The following DLC1 variants were observed in gnomAD, a reference collection of about 807,000 sequenced individuals.
The protein encoded by DLC1 is DLC1 Rho GTPase activating protein.
Under a neutral mutation model 140.3 loss-of-function variants are expected in DLC1, and 54 were observed. The observed-to-expected ratio is 0.38, with a 90% CI of 0.31 to 0.48. DLC1 has a LOEUF of 0.48. DLC1 is among the 20% of genes least tolerant of loss of function. The pLI, the probability that DLC1 is intolerant of heterozygous loss-of-function variation, is 0.96. For missense variants in DLC1, 2,536 were observed against 1,907.0 expected (o/e 1.33, Z -6.14); for synonymous variants, 986 against 728.1 (o/e 1.35, Z -5.70).
chr8:13,451,302 A>G (rs901178629), intron 2 of DLC1, among the ~76,000 whole-genome samples: 2 of 152,040 alleles, frequency 1.3e-5, no homozygotes, highest in African/African-American at 4.8e-5. Flanking sequence ...CAGGCATGCA[A>G]TGCTTCTTAA....
At position 13,486,205 on chromosome 8, in the gene DLC1, T is replaced by G. The variant is rs1585188531; in HGVS notation, c.1023+12844A>C. Among the ~76,000 whole-genome samples the G allele has an allele frequency of 4.6e-5, 7 of 152,246 alleles. No individual in the cohort carries two copies. In the East Asian group the frequency reaches 1.4e-3, roughly 29 times the overall value. ...AATTCATGCCTTAGGAAAAAGCAAATTTTTATTGCAAAACTAGAAACCAGG... is the reference window on the plus strand; with the variant it reads ...AATTCATGCCTTAGGAAAAAGCAAAGTTTTATTGCAAAACTAGAAACCAGG... On this transcript the variant is annotated intron_variant, in intron 2 of 17. Transcript: ENST00000276297.
intron 5 of DLC1, among the ~76,000 whole-genome samples, chr8:13,145,559 A>C (rs902571723): frequency 6.6e-6 from 1 of 152,194 alleles, no homozygotes; most frequent in Non-Finnish European, 1.5e-5. Flanking sequence ...CTTTAGAGAA[A>C]CTCCAAACAA....
chr8:13,418,690 G>A (rs189912018), intron 2 of DLC1, among the ~76,000 whole-genome samples: 12 of 152,020 alleles, frequency 7.9e-5, no homozygotes, highest in African/African-American at 1.5e-4. Flanking sequence ...TTGACTTGGC[G>A]ATGCGGGCTC....
intron 8 of DLC1, among the ~76,000 whole-genome samples, chr8:13,101,161 TG>T (rs1451045862): frequency 2.0e-5 from 3 of 152,228 alleles, no homozygotes; most frequent in African/African-American, 7.2e-5. Context: ...TCCTCCCACG[TG>T]GGCTTCCCAA....
At chr8:13,199,183 T>C (rs984262579) in intron 5 of DLC1, among the ~76,000 whole-genome samples, 92 of 46,004 alleles carry the variant, frequency 2.0e-3, no homozygotes, top group Non-Finnish European at 3.6e-3. Context: ...TTTTCTTTTT[T>C]TTTTTTTTTT....
At chr8:13,377,196 G>C (rs542562006) in intron 4 of DLC1, among the ~76,000 whole-genome samples, 3 of 152,172 alleles carry the variant, frequency 2.0e-5, no homozygotes, top group Admixed American at 6.5e-5. Flanking sequence ...TTTGAATTTA[G>C]TGGTTAGCAT....
chr8:13,441,836 C>T (rs915336515), intron 2 of DLC1, among the ~76,000 whole-genome samples: 8 of 152,178 alleles, frequency 5.3e-5, no homozygotes, highest in Non-Finnish European at 1.2e-4. Flanking sequence ...CAATAACTTT[C>T]TTCACAGAAT....
chr8:13,442,052 T>C (rs1423724837), intron 2 of DLC1, among the ~76,000 whole-genome samples: 1 of 152,132 alleles, frequency 6.6e-6, no homozygotes, highest in African/African-American at 2.4e-5. Flanking sequence ...TAATGCTGCA[T>C]ATCTACAACT....
chr8:13,185,209 G>T (rs546473010), intron 5 of DLC1, among the ~76,000 whole-genome samples: 1 of 146,736 alleles, frequency 6.8e-6, no homozygotes, highest in Non-Finnish European at 1.5e-5. Context: ...CTTTGCATGC[G>T]AGATGGGTCT....
intron 2 of DLC1, 28 bp from the exon 3 acceptor site, chr8:13,401,647 A>G (rs1187780691): frequency 6.3e-7 from 1 of 1,597,792 alleles, no homozygotes; most frequent in Non-Finnish European, 8.5e-7. Context: ...TTGTTACTGA[A>G]TCTGAAAGGC....
intron 1 of DLC1, among the ~76,000 whole-genome samples, chr8:13,596,330 C>T (rs1183679194): frequency 6.6e-6 from 1 of 151,912 alleles, no homozygotes; most frequent in African/African-American, 2.4e-5. Flanking sequence ...GGAAAAGTAG[C>T]TTTTCTTGGC....
At chr8:13,543,622 T>C (rs1261990415) in intron 1 of DLC1, among the ~76,000 whole-genome samples, 1 of 152,092 alleles carries the variant, frequency 6.6e-6, no homozygotes, top group African/African-American at 2.4e-5. Context: ...AGAAGATGTG[T>C]TTTATATTTA....
chr8:13,214,202 A>G (rs1439631257), intron 5 of DLC1: 1 of 159,484 alleles, frequency 6.3e-6, no homozygotes, highest in Non-Finnish European at 1.4e-5. Context: ...TGATGCAGAA[A>G]GTGAGCAGAC....
intron 4 of DLC1, among the ~76,000 whole-genome samples, chr8:13,361,545 G>A (rs918615948): frequency 6.6e-6 from 1 of 152,020 alleles, no homozygotes; most frequent in Middle Eastern, 3.4e-3. Context: ...GGATTACAGG[G>A]GTGAGCCACC....
chr8:13,184,362 G>T (rs1003626070), intron 5 of DLC1, among the ~76,000 whole-genome samples: 1 of 152,020 alleles, frequency 6.6e-6, no homozygotes, highest in African/African-American at 2.4e-5. Flanking sequence ...GTTTGCTCTT[G>T]CTTCTCTAGT....
chr8:13,224,778 C>A (rs542342056), intron 5 of DLC1, among the ~76,000 whole-genome samples: 1 of 152,294 alleles, frequency 6.6e-6, no homozygotes, highest in South Asian at 2.1e-4. Flanking sequence ...TGAGCGCCTA[C>A]AGATTTTTTC....
At chr8:13,566,776 G>GA (rs1039543267) in intron 1 of DLC1, 1 of 606,618 alleles carries the variant, frequency 1.6e-6, no homozygotes, top group Non-Finnish European at 2.7e-6. Context: ...GGGCGCTGGG[G>GA]AGCGCGGAGG....
intron 4 of DLC1, among the ~76,000 whole-genome samples, chr8:13,322,504 A>T (rs1043254046): frequency 6.7e-6 from 1 of 150,326 alleles, no homozygotes; most frequent in African/African-American, 2.5e-5. Context: ...ACATAATTCA[A>T]CTCAGCTGAG....
At chr8:13,603,223 A>G (rs1226991816) in intron 1 of DLC1, among the ~76,000 whole-genome samples, 1 of 151,896 alleles carries the variant, frequency 6.6e-6, no homozygotes, top group Admixed American at 6.6e-5. Flanking sequence ...TCGTGATGTT[A>G]GACATCATTA....
Sources: gnomAD v4.1 joint callset for allele counts (sites outside exome capture counted in the v4.1 genomes callset) on GRCh38, gnomAD v4.1.1 for gene constraint, MANE v1.5 for transcripts, NCBI Gene and HGNC (gene_info 2026-07-23, HGNC 2026-07-21) for gene names.